Variants in SOCS2 observed in about 807,000 individuals in gnomAD.
The protein encoded by SOCS2 is CIS-2.
A neutral mutation model predicts 18.6 loss-of-function variants in SOCS2; 10 were observed. The ratio of observed to expected loss-of-function variants is 0.54; its 90% CI spans 0.33 to 0.91. SOCS2 has a LOEUF of 0.91. Ranked by LOEUF, SOCS2 falls within the 40% of genes least tolerant of loss-of-function variation. The pLI is 0.02. For synonymous variants in SOCS2, 104 were observed against 104.0 expected (o/e 1.00, Z 0.00); for missense variants, 231 against 247.2 (o/e 0.93, Z 0.44).
the SOCS2 span, among the ~76,000 whole-genome samples, chr12:93,619,864 T>A: frequency 6.6e-6 from 1 of 152,222 alleles, no homozygotes; most frequent in Non-Finnish European, 1.5e-5. Context: ...CTCATGCTCC[T>A]CCTCTTCACA....
downstream of SOCS2, among the ~76,000 whole-genome samples, chr12:93,587,747 A>C (rs1954593426): frequency 6.6e-6 from 1 of 152,086 alleles, no homozygotes; most frequent in African/African-American, 2.4e-5. Context: ...AGTAGAGCAG[A>C]CCACACGAAG....
the SOCS2 span, among the ~76,000 whole-genome samples, chr12:93,596,992 C>T: frequency 6.6e-6 from 1 of 152,178 alleles, no homozygotes; most frequent in Admixed American, 6.5e-5. Flanking sequence ...TAAAAGAACA[C>T]ATTTTTAAAA....
downstream of SOCS2, among the ~76,000 whole-genome samples, chr12:93,585,235 A>T (rs1954576774): frequency 6.6e-6 from 1 of 150,982 alleles, no homozygotes; most frequent in Non-Finnish European, 1.5e-5. Flanking sequence ...CGGTGGCTTA[A>T]AACAATAAAG....
chr12:93,624,343 C>T, the SOCS2 span, among the ~76,000 whole-genome samples: 52 of 152,248 alleles, frequency 3.4e-4, no homozygotes, highest in East Asian at 4.3e-3. Flanking sequence ...GAGGCCAAGG[C>T]GGGTGGATCA....
the SOCS2 span, among the ~76,000 whole-genome samples, chr12:93,614,536 CTTCCTTCTTTCTTTCTTTCTTTCT>C: frequency 9.8e-5 from 6 of 60,940 alleles, no homozygotes; most frequent in African/African-American, 2.9e-4. Context: ...TCCTTCCTTC[CTTCCTTCTTTCTTTCTTTCTTTCT>C]TTCTTTCTTT....
At chr12:93,589,664 G>A in the SOCS2 span, among the ~76,000 whole-genome samples, 1 of 152,154 alleles carries the variant, frequency 6.6e-6, no homozygotes. Flanking sequence ...TTAGTACTTT[G>A]GTTCGCTTGC....
chr12:93,589,170 C>T, the SOCS2 span, among the ~76,000 whole-genome samples: 1 of 152,226 alleles, frequency 6.6e-6, no homozygotes, highest in South Asian at 2.1e-4. Flanking sequence ...GTGTTATCTT[C>T]TCCAGCTAGA....
intron 1 of SOCS2, chr12:93,573,656 A>G (rs776233262): frequency 3.2e-5 from 5 of 155,054 alleles, no homozygotes; most frequent in African/African-American, 7.2e-5. Context: ...AAAAGAAAAA[A>G]AGTAAAGTAT....
At chr12:93,622,673 C>T in the SOCS2 span, among the ~76,000 whole-genome samples, 4 of 152,170 alleles carry the variant, frequency 2.6e-5, no homozygotes, top group African/African-American at 9.7e-5. Flanking sequence ...CCTAGGAAAG[C>T]TGGTCTCACA....
chr12:93,614,243 A>G, the SOCS2 span, among the ~76,000 whole-genome samples: 2 of 152,146 alleles, frequency 1.3e-5, no homozygotes, highest in Non-Finnish European at 2.9e-5. Context: ...GTTCAAACAT[A>G]TCCTTGTTTT....
At chr12:93,614,523 C>CTTT in the SOCS2 span, among the ~76,000 whole-genome samples, 3 of 82,350 alleles carry the variant, frequency 3.6e-5, no homozygotes, top group Admixed American at 1.5e-4. Context: ...TTCCTTCCTT[C>CTTT]CTTCCTTCCT....
chr12:93,612,393 G>A, the SOCS2 span, among the ~76,000 whole-genome samples: 3 of 151,378 alleles, frequency 2.0e-5, no homozygotes, highest in Admixed American at 6.6e-5. Flanking sequence ...CTTCATGGCT[G>A]TCTTCCTCCT....
At chr12:93,620,343 G>A in the SOCS2 span, among the ~76,000 whole-genome samples, 43 of 152,212 alleles carry the variant, frequency 2.8e-4, no homozygotes, top group African/African-American at 1.0e-3. Context: ...GTGGACATTC[G>A]GGTGGATGGC....
At position 93,575,901 on chromosome 12, in the gene SOCS2, C is replaced by T. The variant is rs905754393; in HGVS notation, c.*722C>T. The T allele has an allele frequency of 3.9e-5, 6 of 152,610 alleles. No individual in the cohort carries two copies. The highest frequency in any genetic ancestry group is 1.4e-4 in the African/African-American group (6 of 41,440). 9.5% of individuals were successfully genotyped at this position (152,610 alleles called of 1,614,324 possible). On this transcript the variant is annotated 3_prime_UTR_variant, in exon 2 of 2. Coordinates refer to ENST00000551556, the MANE Select transcript of SOCS2 (RefSeq NM_001270471.2). ...TAAAGCTAAAGACAAGAATATCATGCTATACAGGTGCAACTCAATCCCCGT... is the reference window on the plus strand; with the variant it reads ...TAAAGCTAAAGACAAGAATATCATGTTATACAGGTGCAACTCAATCCCCGT...
chr12:93,607,261 AG>A, the SOCS2 span, among the ~76,000 whole-genome samples: 2 of 152,208 alleles, frequency 1.3e-5, no homozygotes, highest in South Asian at 4.1e-4. Context: ...TATTTGAAGG[AG>A]AAAAAAGTAG....
At chr12:93,581,663 T>TC (rs1954542083), downstream of SOCS2, among the ~76,000 whole-genome samples, 1 of 152,146 alleles carries the variant, frequency 6.6e-6, no homozygotes. Context: ...TCATTAGTTT[T>TC]CTCTTTTTTT....
At chr12:93,590,104 T>G in the SOCS2 span, among the ~76,000 whole-genome samples, 1 of 151,728 alleles carries the variant, frequency 6.6e-6, no homozygotes, top group Non-Finnish European at 1.5e-5. Context: ...ATACAAAAAT[T>G]GGCCTGGTGT....
At chr12:93,614,479 C>CTTTCTT in the SOCS2 span, among the ~76,000 whole-genome samples, 1 of 31,886 alleles carries the variant, frequency 3.1e-5, no homozygotes, top group African/African-American at 2.3e-4. Flanking sequence ...TCCTTCCTTC[C>CTTTCTT]TTTCCTTCCT....
At chr12:93,592,917 CTTTTTTT>C in the SOCS2 span, among the ~76,000 whole-genome samples, 3 of 107,384 alleles carry the variant, frequency 2.8e-5, no homozygotes, top group Admixed American at 9.8e-5. Flanking sequence ...ACTGAGAAAG[CTTTTTTT>C]TTTTTTTTTT....
Sources: allele counts gnomAD v4.1 joint callset (sites outside exome capture counted in the v4.1 genomes callset), GRCh38; gene constraint gnomAD v4.1.1; transcripts MANE v1.5; gene names NCBI Gene and HGNC (gene_info 2026-07-23, HGNC 2026-07-21).